Variants in PRELID2 observed in about 807,000 individuals in gnomAD.
The protein encoded by PRELID2 is PRELI domain containing 2.
A neutral mutation model predicts 28.4 loss-of-function variants in PRELID2; 25 were observed. The observed-to-expected ratio is 0.88, with a 90% CI of 0.64 to 1.23. The LOEUF (loss-of-function observed/expected upper bound fraction) is 1.23. PRELID2 is among the 50% of genes most tolerant of loss of function. The probability of loss-of-function intolerance (pLI) is 0.00; values close to 1 mark genes in which losing one functional copy is unlikely to be tolerated. For missense variants in PRELID2, 201 were observed against 214.4 expected (o/e 0.94, Z 0.39); for synonymous variants, 76 against 71.6 (o/e 1.06, Z -0.31).
chr5:145,416,057 C>T, the PRELID2 span, among the ~76,000 whole-genome samples: 5 of 151,772 alleles, frequency 3.3e-5, no homozygotes, highest in Non-Finnish European at 7.4e-5. Flanking sequence ...TTTCATGTGT[C>T]TTTTGGCTGC....
chr5:145,662,834 A>T (rs1754520687), intron 1 of PRELID2, among the ~76,000 whole-genome samples: 1 of 152,106 alleles, frequency 6.6e-6, no homozygotes, highest in Non-Finnish European at 1.5e-5. Flanking sequence ...CTCAGCCTCC[A>T]TAACTTAAGA....
intron 1 of PRELID2, among the ~76,000 whole-genome samples, chr5:145,508,249 T>C (rs1170539570): frequency 7.8e-6 from 1 of 128,316 alleles, no homozygotes; most frequent in East Asian, 2.4e-4. Flanking sequence ...GAGTTACTTT[T>C]GCATAGACAG....
At chr5:145,355,860 A>T in the PRELID2 span, among the ~76,000 whole-genome samples, 1 of 152,202 alleles carries the variant, frequency 6.6e-6, no homozygotes, top group Non-Finnish European at 1.5e-5. Flanking sequence ...GCTGGTATGT[A>T]CTTTATGTAG....
the PRELID2 span, among the ~76,000 whole-genome samples, chr5:145,399,863 C>A: frequency 6.6e-6 from 1 of 152,240 alleles, no homozygotes; most frequent in Non-Finnish European, 1.5e-5. Context: ...CAGGGAAATT[C>A]CCCCTGGTAG....
the PRELID2 span, among the ~76,000 whole-genome samples, chr5:145,260,400 A>G: frequency 6.6e-6 from 1 of 152,224 alleles, no homozygotes; most frequent in African/African-American, 2.4e-5. Flanking sequence ...ACAGGGACAT[A>G]ATAAATAGGG....
At chr5:145,556,573 T>A (rs536522139) in intron 1 of PRELID2, among the ~76,000 whole-genome samples, 1 of 152,336 alleles carries the variant, frequency 6.6e-6, no homozygotes, top group African/African-American at 2.4e-5. Context: ...CCCAGGTAGA[T>A]ATCTCCAAAA....
intron 1 of PRELID2, among the ~76,000 whole-genome samples, chr5:145,718,798 T>C (rs1458708061): frequency 6.6e-6 from 1 of 151,906 alleles, no homozygotes; most frequent in Non-Finnish European, 1.5e-5. Context: ...TTGGAAAAAA[T>C]GTTTATTACA....
In PRELID2 at chr5:145,658,684, T is replaced by A. The variant is rs569617554; in HGVS notation, n.70+106247A>T. Among the ~76,000 whole-genome samples, 23 of 152,276 alleles carry A rather than the reference T, an allele frequency of 1.5e-4. No homozygotes were observed. The South Asian group carries it at 4.2e-3, about 27-fold the overall frequency. ...TCATGACTGAAAGCTTCCTAAGACC[T>A]CACCAGAAGCAGAGCCAATGCTGCT... On this transcript the variant is annotated intron_variant and non_coding_transcript_variant, in intron 1 of 2. Transcript: ENST00000510259.
chr5:145,386,398 C>G, the PRELID2 span, among the ~76,000 whole-genome samples: 1 of 152,102 alleles, frequency 6.6e-6, no homozygotes, highest in Non-Finnish European at 1.5e-5. Flanking sequence ...GGGGCAGTTT[C>G]TCCCATGCTG....
At chr5:145,693,721 C>T (rs2149697400) in intron 1 of PRELID2, among the ~76,000 whole-genome samples, 1 of 152,262 alleles carries the variant, frequency 6.6e-6, no homozygotes, top group South Asian at 2.1e-4. Flanking sequence ...CTGGAGAGAG[C>T]TCTGATCATA....
rs545270491 is a variant in PRELID2 at position 145,747,075 on chromosome 5, A to C, written n.70+17856T>G. ...TATAGCACTAAATGCCCACATTAGA[A>C]AGCCAGAAAGATCTCAAATCAACAC... On this transcript the variant is annotated intron_variant and non_coding_transcript_variant, in intron 1 of 2. Transcript: ENST00000510259. Among the ~76,000 whole-genome samples the C allele has an allele frequency of 5.3e-5, 8 of 152,282 alleles. 1 individual carries two copies. The highest frequency in any genetic ancestry group is 1.9e-4 in the African/African-American group (8 of 41,562).
At chr5:145,499,009 T>C (rs1454952486) in intron 1 of PRELID2, among the ~76,000 whole-genome samples, 2 of 151,856 alleles carry the variant, frequency 1.3e-5, no homozygotes, top group Non-Finnish European at 2.9e-5. Flanking sequence ...CTAAGGAAAA[T>C]ATCTTTTAAA....
intron 1 of PRELID2, among the ~76,000 whole-genome samples, chr5:145,572,203 C>A (rs993833548): frequency 1.1e-4 from 16 of 152,098 alleles, no homozygotes; most frequent in Admixed American, 3.3e-4. Context: ...GACCTGGACA[C>A]CCCCACTACT....
At chr5:145,425,318 T>G in the PRELID2 span, among the ~76,000 whole-genome samples, 1 of 152,198 alleles carries the variant, frequency 6.6e-6, no homozygotes, top group African/African-American at 2.4e-5. Flanking sequence ...AAGTGTAAAT[T>G]TATTCAACTA....
chr5:145,770,642 G>C (rs557004457), intron 5 of PRELID2, among the ~76,000 whole-genome samples: 164 of 152,322 alleles, frequency 1.1e-3, no homozygotes, highest in Admixed American at 1.7e-3. Flanking sequence ...AGATGTGAAG[G>C]TGAAAGACAA....
the PRELID2 span, among the ~76,000 whole-genome samples, chr5:145,383,870 TTAAC>T: frequency 3.9e-5 from 6 of 151,938 alleles, no homozygotes; most frequent in South Asian, 1.0e-3. Context: ...GTGTGTATAT[TTAAC>T]TATGTATGTG....
intron 1 of PRELID2, among the ~76,000 whole-genome samples, chr5:145,731,392 T>G (rs1432753): frequency 0.82 from 124,161 of 152,188 alleles, 51,071 homozygotes; most frequent in East Asian, 0.88. Flanking sequence ...TGAGTCCAAT[T>G]TGTCAGAGAG....
chr5:145,834,923 G>A (rs1478918556), intron 1 of PRELID2: 1 of 409,978 alleles, frequency 2.4e-6, no homozygotes. Flanking sequence ...GGGATTCCCG[G>A]AGGCTCTTCC....
At chr5:145,751,101 A>G (rs1466251572) in intron 1 of PRELID2, among the ~76,000 whole-genome samples, 1 of 152,248 alleles carries the variant, frequency 6.6e-6, no homozygotes, top group East Asian at 1.9e-4. Flanking sequence ...CGTTTCCCAA[A>G]CACATACACT....
Sources: allele counts gnomAD v4.1 joint callset (sites outside exome capture counted in the v4.1 genomes callset), GRCh38; gene constraint gnomAD v4.1.1; transcripts MANE v1.5; gene names NCBI Gene and HGNC (gene_info 2026-07-23, HGNC 2026-07-21).